The following ZNF385B variants were observed in gnomAD, a reference collection of about 807,000 sequenced individuals.
The protein encoded by ZNF385B is zinc finger protein 533.
Under a neutral mutation model 39.2 loss-of-function variants are expected in ZNF385B, and 23 were observed. The ratio of observed to expected loss-of-function variants is 0.59; its 90% CI spans 0.42 to 0.83. The LOEUF (loss-of-function observed/expected upper bound fraction) is 0.83. ZNF385B is among the 40% of genes least tolerant of loss of function. ZNF385B has a pLI of 0.00. For synonymous variants in ZNF385B, 205 were observed against 222.6 expected (o/e 0.92, Z 0.70); for missense variants, 552 against 598.9 (o/e 0.92, Z 0.82).
rs948776050 is a variant in ZNF385B, at chr2:179,745,570, T to C, written c.298+23933A>G. ...AAAATTAAAGAATCATATATTTTGCTCTTCAGCTTTGCTCCTTCAGATGTG... is the reference window on the plus strand; with the variant it reads ...AAAATTAAAGAATCATATATTTTGCCCTTCAGCTTTGCTCCTTCAGATGTG... On this transcript the variant is annotated intron_variant, in intron 3 of 9. Coordinates refer to ENST00000410066, the MANE Select transcript of ZNF385B (RefSeq NM_152520.6). 1.0e-5 allele frequency: 6 copies of C among 591,556 alleles called. No individual in the cohort carries two copies. The African/African-American group carries it at 1.2e-4, about 11-fold the overall frequency. 36.6% of individuals were successfully genotyped at this position (591,556 alleles called of 1,614,324 possible). A position where few individuals can be genotyped will look rare whatever the true frequency, so the allele number is the denominator to read the frequency against.
chr2:179,829,597 T>G lies in ZNF385B; in HGVS notation c.-155+31504A>C, dbSNP rs553908310. On this transcript the variant is annotated intron_variant, in intron 1 of 9. Transcript: ENST00000410066. ...GGTGCTATCTCGGCTCACTGCAAGC[T>G]CCGCCTCCTGGGTTCAGGCCACTCT... Among the ~76,000 whole-genome samples the G allele has an allele frequency of 1.4e-4, 21 of 152,180 alleles. No homozygotes were observed. In the East Asian group the frequency reaches 3.7e-3, roughly 27 times the overall value.
At chr2:179,598,462 G>C (rs938684439) in intron 3 of ZNF385B, among the ~76,000 whole-genome samples, 2 of 152,132 alleles carry the variant, frequency 1.3e-5, no homozygotes, top group South Asian at 4.1e-4. Flanking sequence ...TGGTTCTAAC[G>C]TGCTTTAGTC....
intron 4 of ZNF385B, among the ~76,000 whole-genome samples, chr2:179,533,120 T>C (rs1356399537): frequency 2.0e-5 from 3 of 152,178 alleles, no homozygotes; most frequent in Non-Finnish European, 4.4e-5. Flanking sequence ...CATCTGGGTG[T>C]CACAATGCTT....
chr2:179,607,006 C>T (rs1688859584), intron 3 of ZNF385B, among the ~76,000 whole-genome samples: 1 of 152,174 alleles, frequency 6.6e-6, no homozygotes, highest in Admixed American at 6.5e-5. Flanking sequence ...ATACCTCCTC[C>T]CATTTGCTTA....
intron 3 of ZNF385B, among the ~76,000 whole-genome samples, chr2:179,616,717 G>T (rs1239646373): frequency 6.6e-6 from 1 of 152,018 alleles, no homozygotes. Flanking sequence ...ATGCTGCCAG[G>T]CCCGGCTAAT....
At chr2:179,493,350 T>C (rs1418222806) in intron 5 of ZNF385B, among the ~76,000 whole-genome samples, 1 of 144,140 alleles carries the variant, frequency 6.9e-6, no homozygotes, top group Non-Finnish European at 1.5e-5. Context: ...GTATATGGCA[T>C]GTATATATAT....
At chr2:179,780,238 G>T (rs1009890084) in intron 1 of ZNF385B, among the ~76,000 whole-genome samples, 2 of 152,150 alleles carry the variant, frequency 1.3e-5, no homozygotes, top group African/African-American at 2.4e-5. Context: ...AGAATGAACA[G>T]CAGTACTTCC....
chr2:179,650,482 G>A (rs1693102493), intron 3 of ZNF385B, among the ~76,000 whole-genome samples: 1 of 152,168 alleles, frequency 6.6e-6, no homozygotes, highest in Non-Finnish European at 1.5e-5. Context: ...AGGGATACTT[G>A]GAGACAAATA....
chr2:179,581,516 C>T (rs10179050), intron 3 of ZNF385B, among the ~76,000 whole-genome samples: 32,296 of 152,104 alleles, frequency 0.21, 3,569 homozygotes, highest in Middle Eastern at 0.26. Context: ...GCTGGTAAAA[C>T]GTTTCTCCTT....
chr2:179,807,615 GC>G (rs947022287), intron 1 of ZNF385B, among the ~76,000 whole-genome samples: 1 of 151,430 alleles, frequency 6.6e-6, no homozygotes, highest in Non-Finnish European at 1.5e-5. Flanking sequence ...GTAAAAAAAG[GC>G]CAGGTGCGGT....
At chr2:179,753,631 C>T (rs1702824558) in intron 3 of ZNF385B, among the ~76,000 whole-genome samples, 1 of 152,138 alleles carries the variant, frequency 6.6e-6, no homozygotes, top group African/African-American at 2.4e-5. Flanking sequence ...GTTTGTAGTT[C>T]TCCTTGAAGA....
chr2:179,692,915 T>C (rs925398706), intron 3 of ZNF385B, among the ~76,000 whole-genome samples: 1 of 152,128 alleles, frequency 6.6e-6, no homozygotes, highest in African/African-American at 2.4e-5. Context: ...TCAACTCCAG[T>C]ACCCTAAGGG....
chr2:179,533,276 A>C (rs1490774807), intron 4 of ZNF385B, among the ~76,000 whole-genome samples: 1 of 152,144 alleles, frequency 6.6e-6, no homozygotes, highest in Admixed American at 6.6e-5. Context: ...GAGGGAACTG[A>C]TGTAAGATGT....
intron 3 of ZNF385B, among the ~76,000 whole-genome samples, chr2:179,603,410 T>C (rs79383600): frequency 0.035 from 5,400 of 152,244 alleles, 306 homozygotes; most frequent in East Asian, 0.22. Context: ...TGGTTCAGTA[T>C]ATAAACATTG....
intron 5 of ZNF385B, among the ~76,000 whole-genome samples, chr2:179,513,442 A>G (rs1012898956): frequency 6.6e-6 from 1 of 152,216 alleles, no homozygotes; most frequent in African/African-American, 2.4e-5. Flanking sequence ...GCTGCTGGTC[A>G]TATGCTTATG....
At chr2:179,512,732 T>C (rs550389157) in intron 5 of ZNF385B, among the ~76,000 whole-genome samples, 1 of 152,312 alleles carries the variant, frequency 6.6e-6, no homozygotes, top group East Asian at 1.9e-4. Context: ...CTTGAGGTGA[T>C]ACACACATTT....
intron 3 of ZNF385B, among the ~76,000 whole-genome samples, chr2:179,699,839 T>C (rs1403501069): frequency 6.6e-6 from 1 of 152,234 alleles, no homozygotes; most frequent in Non-Finnish European, 1.5e-5. Context: ...GGAAATTCAA[T>C]AATTGGCAGT....
intron 3 of ZNF385B, among the ~76,000 whole-genome samples, chr2:179,703,248 G>C (rs1405390460): frequency 6.6e-6 from 1 of 152,122 alleles, no homozygotes; most frequent in Non-Finnish European, 1.5e-5. Flanking sequence ...ATATGCACCT[G>C]CCTCAAGACC....
intron 1 of ZNF385B, among the ~76,000 whole-genome samples, chr2:179,787,649 C>T (rs900917032): frequency 3.3e-5 from 5 of 152,138 alleles, no homozygotes; most frequent in African/African-American, 1.2e-4. Context: ...TAAAGACTGT[C>T]CTCCTCTTCA....
Sources: gnomAD v4.1 joint callset for allele counts (sites outside exome capture counted in the v4.1 genomes callset) on GRCh38, gnomAD v4.1.1 for gene constraint, MANE v1.5 for transcripts, NCBI Gene and HGNC (gene_info 2026-07-23, HGNC 2026-07-21) for gene names.